The following CDH12 variants were observed in gnomAD, a reference collection of about 807,000 sequenced individuals.
The protein encoded by CDH12 is cadherin 12, also known as cadherin-12.
A neutral mutation model predicts 74.1 loss-of-function variants in CDH12; 41 were observed. The observed-to-expected ratio is 0.55, with a 90% confidence interval of 0.43 to 0.72. The LOEUF is 0.72. Ranked by LOEUF, CDH12 falls within the 30% of genes least tolerant of loss-of-function variation. CDH12 has a pLI of 0.00. For synonymous variants in CDH12, 399 were observed against 355.0 expected (o/e 1.12, Z -1.39); for missense variants, 945 against 977.2 (o/e 0.97, Z 0.44).
chr5:22,520,014 T>C (rs1736981936), intron 1 of CDH12, among the ~76,000 whole-genome samples: 1 of 152,116 alleles, frequency 6.6e-6, no homozygotes, highest in Non-Finnish European at 1.5e-5. Flanking sequence ...TCTGTTAAAA[T>C]TTACTCTATG....
At chr5:22,204,615 C>T (rs1191178093) in intron 4 of CDH12, among the ~76,000 whole-genome samples, 3 of 152,248 alleles carry the variant, frequency 2.0e-5, no homozygotes, top group South Asian at 2.1e-4. Flanking sequence ...GGTTAAAGTT[C>T]GCACCTCTTA....
intron 1 of CDH12, among the ~76,000 whole-genome samples, chr5:22,654,721 T>C (rs1739941353): frequency 6.6e-6 from 1 of 151,276 alleles, no homozygotes; most frequent in Admixed American, 6.6e-5. Context: ...CTGCAACCCC[T>C]GCGTCCGGGT....
At chr5:22,343,321 CACAG>C (rs1362532617) in intron 3 of CDH12, among the ~76,000 whole-genome samples, 2,694 of 123,838 alleles carry the variant, frequency 0.022, 35 homozygotes, top group African/African-American at 0.041. Context: ...CAGACACACA[CACAG>C]AGAGAGAGAG....
In CDH12 at chr5:22,227,100, T is replaced by C. The variant is rs540412672; in HGVS notation, c.-332-14457A>G. Reference sequence around the variant, plus strand: ...GGGAAAAATTGTACAAGTTAACACGTCTGGATTCATCAGGACTAGGGAAAT... The same window carrying C: ...GGGAAAAATTGTACAAGTTAACACGCCTGGATTCATCAGGACTAGGGAAAT... On this transcript the variant is annotated intron_variant, in intron 3 of 14. Transcript: ENST00000382254. 2.0e-5 allele frequency among the ~76,000 whole-genome samples: 3 copies of C among 152,242 alleles called. No homozygotes were observed. In the East Asian group the frequency reaches 5.8e-4, roughly 29 times the overall value.
At chr5:21,781,556 T>C (rs1304813453) in intron 11 of CDH12, among the ~76,000 whole-genome samples, 2 of 151,964 alleles carry the variant, frequency 1.3e-5, no homozygotes, top group African/African-American at 2.4e-5. Flanking sequence ...AAACCCTGTC[T>C]CTACTGAAAA....
In CDH12 at chr5:22,505,630, A is replaced by C. The variant is rs76645618; in HGVS notation, c.-522-266T>G. On this transcript the variant is annotated intron_variant, in intron 1 of 14. Coordinates refer to ENST00000382254, the MANE Select transcript of CDH12 (RefSeq NM_004061.5). ...ACATTGTGATAGATGGATCCAAATGAACCAATATTGATACATTATTGAGTT... is the reference window on the plus strand; with the variant it reads ...ACATTGTGATAGATGGATCCAAATGCACCAATATTGATACATTATTGAGTT... Among the ~76,000 whole-genome samples the C allele has an allele frequency of 7.3e-3, 1,116 of 152,114 alleles. 9 individuals are homozygous for C. Among genetic ancestry groups the C allele is most frequent in the Non-Finnish European group, 0.012 (795 of 67,966 alleles).
At chr5:22,282,706 A>T (rs1338073476) in intron 3 of CDH12, among the ~76,000 whole-genome samples, 1 of 152,158 alleles carries the variant, frequency 6.6e-6, no homozygotes, top group Non-Finnish European at 1.5e-5. Context: ...GTCTCACACC[A>T]GTTAGAATGA....
At chr5:22,041,363 C>CA (rs1281787691) in intron 5 of CDH12, among the ~76,000 whole-genome samples, 1 of 151,948 alleles carries the variant, frequency 6.6e-6, no homozygotes, top group Non-Finnish European at 1.5e-5. Flanking sequence ...ATTCTCCAAT[C>CA]AAAAAAGTAG....
chr5:22,401,349 G>T (rs1742722482), intron 3 of CDH12, among the ~76,000 whole-genome samples: 1 of 151,934 alleles, frequency 6.6e-6, no homozygotes, highest in African/African-American at 2.4e-5. Flanking sequence ...TTTCTATAGG[G>T]ATCTCTACCT....
chr5:22,387,957 A>T (rs765128998), intron 3 of CDH12, among the ~76,000 whole-genome samples: 1 of 152,102 alleles, frequency 6.6e-6, no homozygotes, highest in Non-Finnish European at 1.5e-5. Context: ...GGCTCATCAT[A>T]AGAGAAGTTT....
chr5:22,167,305 C>G (rs564782496), intron 4 of CDH12, among the ~76,000 whole-genome samples: 1 of 152,170 alleles, frequency 6.6e-6, no homozygotes, highest in Non-Finnish European at 1.5e-5. Flanking sequence ...TCAAGTAAAT[C>G]ATTCACGAAG....
At chr5:22,142,166 AC>A (rs1229403180) in intron 4 of CDH12, among the ~76,000 whole-genome samples, 2 of 152,160 alleles carry the variant, frequency 1.3e-5, no homozygotes, top group African/African-American at 4.8e-5. Context: ...ACTAGAGATG[AC>A]AGGTCTGGCA....
chr5:22,066,986 A>C (rs1013285007), intron 5 of CDH12, among the ~76,000 whole-genome samples: 1 of 152,014 alleles, frequency 6.6e-6, no homozygotes, highest in African/African-American at 2.4e-5. Context: ...TAGCACATAA[A>C]TTTTCTCCAT....
intron 2 of CDH12, among the ~76,000 whole-genome samples, chr5:22,481,016 G>T (rs1746364565): frequency 6.6e-6 from 1 of 152,000 alleles, no homozygotes. Context: ...GTGGGTTATT[G>T]ACTAGTATTA....
intron 1 of CDH12, chr5:22,580,160 G>T: frequency 3.6e-6 from 1 of 277,368 alleles, no homozygotes; most frequent in South Asian, 3.7e-5. Flanking sequence ...TGACAAGGAA[G>T]AGGATCCAGA....
At chr5:22,701,563 C>T (rs1390571827) in intron 1 of CDH12, among the ~76,000 whole-genome samples, 1 of 152,122 alleles carries the variant, frequency 6.6e-6, no homozygotes, top group Admixed American at 6.5e-5. Flanking sequence ...TATGTTCATT[C>T]TCCCTAAGTA....
chr5:22,119,507 C>G (rs1057034784), intron 4 of CDH12, among the ~76,000 whole-genome samples: 1 of 152,032 alleles, frequency 6.6e-6, no homozygotes, highest in African/African-American at 2.4e-5. Context: ...CCAGGCTGGT[C>G]TCAGACTCCT....
At chr5:22,813,059 T>G (rs1398913440) in intron 1 of CDH12, among the ~76,000 whole-genome samples, 1 of 152,128 alleles carries the variant, frequency 6.6e-6, no homozygotes, top group Non-Finnish European at 1.5e-5. Flanking sequence ...CCACATTTCT[T>G]TATAAATTCA....
intron 1 of CDH12, among the ~76,000 whole-genome samples, chr5:22,734,631 C>T (rs1244127859): frequency 6.6e-6 from 1 of 151,912 alleles, no homozygotes; most frequent in Non-Finnish European, 1.5e-5. Context: ...ACACTGGTAA[C>T]TCATTGCTTT....
Sources: allele counts gnomAD v4.1 joint callset (sites outside exome capture counted in the v4.1 genomes callset), GRCh38; gene constraint gnomAD v4.1.1; transcripts MANE v1.5; gene names NCBI Gene and HGNC (gene_info 2026-07-23, HGNC 2026-07-21).